Variants in PCDHGA5 observed in about 807,000 individuals in gnomAD.
The protein encoded by PCDHGA5 is protocadherin gamma subfamily A, 5.
In PCDHGA5, 36 loss-of-function variants were observed where a neutral mutation model predicts 56.7. The ratio of observed to expected loss-of-function variants is 0.64; its 90% confidence interval spans 0.49 to 0.84. The LOEUF (loss-of-function observed/expected upper bound fraction) is 0.84, where lower values mean the gene tolerates loss of function less well. PCDHGA5 is among the 40% of genes least tolerant of loss of function. The pLI, the probability that PCDHGA5 is intolerant of heterozygous loss-of-function variation, is 0.00. For missense variants in PCDHGA5, 1,305 were observed against 1,201.5 expected (o/e 1.09, Z -1.27); for synonymous variants, 563 against 520.2 (o/e 1.08, Z -1.12).
At position 141,414,131 on chromosome 5, in the gene PCDHGA5, A is replaced by G. The variant is rs977911874; in HGVS notation, c.2421+47380A>G. 1.9e-6 allele frequency: 3 copies of G among 1,594,622 alleles called. No homozygotes were observed. The highest frequency in any genetic ancestry group is 2.7e-5 in the African/African-American group (2 of 74,402). The stretch of plus-strand genomic sequence containing the variant: ...CTAGATTATGAAGAAACCGGTTTCT[A>G]TGAAATAGAAATACAAGCAGAAGAT... On this transcript the variant is annotated intron_variant, in intron 1 of 3. Transcript: ENST00000518069.
intron 1 of PCDHGA5, among the ~76,000 whole-genome samples, chr5:141,455,904 TTTATTTA>T: frequency 6.8e-6 from 1 of 147,982 alleles, no homozygotes. Flanking sequence ...TATTTATTTA[TTTATTTA>T]TTTTGAGACG....
intron 1 of PCDHGA5, chr5:141,372,106 G>T: frequency 6.2e-7 from 1 of 1,613,828 alleles, no homozygotes; most frequent in Non-Finnish European, 8.5e-7. Flanking sequence ...GGGCCCGAAG[G>T]CTCTGCGCTC....
intron 1 of PCDHGA5, chr5:141,390,422 G>A: frequency 9.3e-7 from 1 of 1,071,928 alleles, no homozygotes; most frequent in South Asian, 1.6e-5. Flanking sequence ...CAGTTAAAAA[G>A]CTGTCATATC....
intron 1 of PCDHGA5, chr5:141,410,044 C>G: frequency 6.2e-7 from 1 of 1,613,184 alleles, no homozygotes; most frequent in Non-Finnish European, 8.5e-7. Flanking sequence ...CCAGTGAGCC[C>G]GGACTCTTCA....
At position 141,484,465 on chromosome 5, in the gene PCDHGA5, A is replaced by G. The variant is rs2099596840; in HGVS notation, c.2422-10342A>G. On this transcript the variant is annotated intron_variant, in intron 1 of 3. Coordinates refer to ENST00000518069, the MANE Select transcript of PCDHGA5 (RefSeq NM_018918.3). ...ATTTAATTGGCTACGTTAATGTGTA[A>G]GCCTTTTCTGCAAAGAGATGGATCC... is the stretch of plus-strand genomic sequence containing the variant. Among the ~76,000 whole-genome samples, 4 of 152,236 alleles carry G rather than the reference A, an allele frequency of 2.6e-5. No individual in the cohort carries two copies. In the South Asian group the frequency reaches 6.2e-4, roughly 24 times the overall value.
chr5:141,428,646 C>T (rs542682298), intron 1 of PCDHGA5: 7 of 170,630 alleles, frequency 4.1e-5, no homozygotes, highest in South Asian at 3.0e-4. Flanking sequence ...CTCCTACTCA[C>T]GTGAGTTCCA....
Position 141,384,834 on chromosome 5 carries a change from C to T in PCDHGA5, c.2421+18083C>T, listed in dbSNP as rs369584315. 6.0e-5 allele frequency: 97 copies of T among 1,613,478 alleles called. No individual in the cohort carries two copies. The African/African-American group carries it at 1.2e-3, about 19-fold the overall frequency. On this transcript the variant is annotated intron_variant, in intron 1 of 3. Coordinates refer to ENST00000518069, the MANE Select transcript of PCDHGA5 (RefSeq NM_018918.3). The stretch of plus-strand genomic sequence containing the variant: ...CCCTCAAGCAGAGCCTCGTGGTGGC[C>T]GTCCAGGACCACGGTCAGCCTCCTC...
intron 1 of PCDHGA5, chr5:141,394,449 A>G (rs773696678): frequency 2.5e-6 from 4 of 1,614,112 alleles, no homozygotes; most frequent in Admixed American, 1.7e-5. Context: ...CAGCAGCAAC[A>G]TGTCACTGAG....
At chr5:141,444,813 T>A (rs1382814369) in intron 1 of PCDHGA5, among the ~76,000 whole-genome samples, 3 of 152,228 alleles carry the variant, frequency 2.0e-5, no homozygotes, top group African/African-American at 4.8e-5. Flanking sequence ...AATAGCACAC[T>A]GTCTCAATTA....
At chr5:141,394,332 A>G (rs1270394666) in intron 1 of PCDHGA5, 2 of 1,614,010 alleles carry the variant, frequency 1.2e-6, no homozygotes, top group Admixed American at 1.7e-5. Context: ...GTATATCTCC[A>G]TCAACTCTGA....
At chr5:141,423,772 A>G (rs767998260) in intron 1 of PCDHGA5, 39 of 1,219,850 alleles carry the variant, frequency 3.2e-5, no homozygotes, top group East Asian at 1.6e-4. Context: ...GGGGCGGCAT[A>G]TATTTAGTTC....
At chr5:141,413,650 C>T (rs1384444202) in intron 1 of PCDHGA5, 2 of 1,613,714 alleles carry the variant, frequency 1.2e-6, no homozygotes, top group Non-Finnish European at 1.7e-6. Flanking sequence ...TTTTCCTCTC[C>T]CGGAAGCTAT....
chr5:141,366,069 G>C lies in PCDHGA5; in HGVS notation c.1739G>C (p.Arg580Pro). Residue 580 changes from arginine to proline, a missense_variant, in exon 1 of 4, where the codon CGC (arginine) becomes CCC (proline). Transcript: ENST00000518069. Reference sequence around the variant, plus strand: ...TCCACGGGCGTGGAGCTGGCGCCTCGCTCCGCAGAACCTGGCTACCTGGTG... The same window carrying C: ...TCCACGGGCGTGGAGCTGGCGCCTCCCTCCGCAGAACCTGGCTACCTGGTG... ...DGSTGVELAPRSAEPGYLVTK... is the reference protein window; with the variant it reads ...DGSTGVELAPPSAEPGYLVTK... The C allele has an allele frequency of 1.2e-6, 2 of 1,614,216 alleles. No individual in the cohort carries two copies. The highest frequency in any genetic ancestry group is 1.7e-6 in the Non-Finnish European group (2 of 1,180,050).
intron 1 of PCDHGA5, chr5:141,389,501 G>A (rs752472089): frequency 3.7e-6 from 6 of 1,613,066 alleles, no homozygotes; most frequent in Non-Finnish European, 5.1e-6. Context: ...GCTCGCCAGC[G>A]CTCAGCGCGA....
At chr5:141,451,060 C>T (rs1241509553) in intron 1 of PCDHGA5, among the ~76,000 whole-genome samples, 1 of 151,562 alleles carries the variant, frequency 6.6e-6, no homozygotes, top group African/African-American at 2.4e-5. Context: ...GAACTCCTGA[C>T]CTTGTGATCC....
intron 1 of PCDHGA5, chr5:141,370,945 A>G (rs926355421): frequency 6.2e-7 from 1 of 1,614,020 alleles, no homozygotes; most frequent in Non-Finnish European, 8.5e-7. Context: ...ATTCAGAAGG[A>G]GAACCTGGAT....
chr5:141,384,346 G>A (rs992832645), intron 1 of PCDHGA5: 3 of 1,613,746 alleles, frequency 1.9e-6, no homozygotes, highest in Non-Finnish European at 2.5e-6. Context: ...CGACAGTGAG[G>A]ATAATGCCCA....
Position 141,485,844 on chromosome 5 carries a change from G to A in PCDHGA5, c.2422-8963G>A, listed in dbSNP as rs201857404. On this transcript the variant is annotated intron_variant, in intron 1 of 3. Transcript: ENST00000518069. The surrounding 1 kb of genome is among the most constrained non-coding windows in gnomAD (Gnocchi z 5.7). ...GATGGAGGGAACCCGCCGAGATCTGGCACCGCAGAGCTCCGGGTATCCGTG... is the reference window on the plus strand; with the variant it reads ...GATGGAGGGAACCCGCCGAGATCTGACACCGCAGAGCTCCGGGTATCCGTG... 6 of 1,613,890 alleles carry A rather than the reference G, an allele frequency of 3.7e-6. No homozygotes were observed. In the East Asian group the frequency reaches 1.1e-4, roughly 30 times the overall value.
intron 1 of PCDHGA5, chr5:141,395,466 TC>T (rs951026760): frequency 3.5e-6 from 2 of 577,354 alleles, no homozygotes; most frequent in Non-Finnish European, 5.8e-6. Context: ...TTTTAAGCCT[TC>T]CAGTATTTTA....
Sources: gnomAD v4.1 joint callset for allele counts (sites outside exome capture counted in the v4.1 genomes callset) on GRCh38, gnomAD v4.1.1 for gene constraint, Gnocchi (gnomAD v3.1) non-coding constraint, MANE v1.5 for transcripts, NCBI Gene and HGNC (gene_info 2026-07-23, HGNC 2026-07-21) for gene names.